SHISA6: variants seen among roughly 807,000 people sequenced by gnomAD.
SHISA6 encodes protein shisa-6.
Under a neutral mutation model 47.9 loss-of-function variants are expected in SHISA6, and 22 were observed. The observed-to-expected ratio is 0.46, with a 90% CI of 0.33 to 0.66. SHISA6 has a LOEUF of 0.66. Ranked by LOEUF, SHISA6 falls within the 30% of genes least tolerant of loss-of-function variation. The probability of loss-of-function intolerance (pLI) is 0.02; values close to 1 mark genes in which losing one functional copy is unlikely to be tolerated. For synonymous variants in SHISA6, 388 were observed against 337.8 expected (o/e 1.15, Z -1.63); for missense variants, 680 against 764.6 (o/e 0.89, Z 1.30).
chr17:11,378,728 G>T (rs1912901652), intron 2 of SHISA6, among the ~76,000 whole-genome samples: 1 of 152,050 alleles, frequency 6.6e-6, no homozygotes, highest in African/African-American at 2.4e-5. Flanking sequence ...AAGCAGGCAG[G>T]GGATAGTGTC....
At chr17:11,544,025 A>G (rs978392062) in intron 3 of SHISA6, among the ~76,000 whole-genome samples, 11 of 151,760 alleles carry the variant, frequency 7.2e-5, no homozygotes, top group African/African-American at 2.4e-4. Flanking sequence ...CAAAAAAAAA[A>G]AGAACTTCAA....
chr17:11,292,402 C>G lies in SHISA6; in HGVS notation c.799+28876C>G, dbSNP rs556154439. ...AGGAAAACACCATGGCACATGTATA[C>G]CCATGTAACAAATCTGCACATTCTG... On this transcript the variant is annotated intron_variant, in intron 2 of 5. Transcript: ENST00000441885. Among the ~76,000 whole-genome samples, 35 of 152,098 alleles carry G rather than the reference C, an allele frequency of 2.3e-4. No individual in the cohort carries two copies. In the South Asian group the frequency reaches 7.3e-3, roughly 32 times the overall value.
chr17:11,386,561 T>C lies in SHISA6; in HGVS notation c.895+7052T>C, dbSNP rs575081241. Among the ~76,000 whole-genome samples, 10 of 152,256 alleles carry C rather than the reference T, an allele frequency of 6.6e-5. No individual in the cohort carries two copies. In the East Asian group the frequency reaches 1.9e-3, roughly 29 times the overall value. ...GAGAGTTTTGTTTTGCTTTGTTTTG[T>C]TTTTTTAAGAGGAGAGAAATCACAG... On this transcript the variant is annotated intron_variant, in intron 3 of 5. Transcript: ENST00000441885.
intron 2 of SHISA6, among the ~76,000 whole-genome samples, chr17:11,374,862 CAT>C: frequency 6.6e-6 from 1 of 151,852 alleles, no homozygotes; most frequent in South Asian, 2.1e-4. Context: ...TTATATGTAA[CAT>C]ATATAATATG....
intron 2 of SHISA6, among the ~76,000 whole-genome samples, chr17:11,328,805 G>C (rs1281848149): frequency 6.6e-6 from 1 of 152,166 alleles, no homozygotes; most frequent in African/African-American, 2.4e-5. Flanking sequence ...GGGGCAAATG[G>C]AGAGGGAGGA....
intron 4 of SHISA6, 147 bp from the exon 5 acceptor site, chr17:11,555,593 G>A (rs2071970107): frequency 1.1e-6 from 1 of 926,936 alleles, no homozygotes; most frequent in Non-Finnish European, 1.5e-6. Flanking sequence ...CTGAGCATGA[G>A]GGAAACTGAG....
At chr17:11,373,320 C>G (rs959828909) in intron 2 of SHISA6, among the ~76,000 whole-genome samples, 6 of 151,916 alleles carry the variant, frequency 3.9e-5, no homozygotes, top group Middle Eastern at 3.2e-3. Flanking sequence ...AGGTAACAGC[C>G]ACTTAACCAA....
intron 2 of SHISA6, among the ~76,000 whole-genome samples, chr17:11,272,346 C>T (rs1341765042): frequency 1.3e-5 from 2 of 152,152 alleles, no homozygotes; most frequent in Non-Finnish European, 2.9e-5. Context: ...CAGGCTCCCG[C>T]GTGGCTCTCA....
At chr17:11,466,521 T>G (rs1036535590) in intron 3 of SHISA6, among the ~76,000 whole-genome samples, 2 of 152,154 alleles carry the variant, frequency 1.3e-5, no homozygotes, top group African/African-American at 4.8e-5. Context: ...CCTCAGGGCT[T>G]ACTGTTCAGC....
Position 11,559,885 on chromosome 17 carries a change from A to T in SHISA6, c.*1581A>T, listed in dbSNP as rs1453975817. The T allele has an allele frequency of 6.6e-6, 1 of 152,140 alleles. No individual in the cohort carries two copies. Among genetic ancestry groups the T allele is most frequent in the African/African-American group, 2.4e-5 (1 of 41,418 alleles). The allele number at this position is 152,140 out of a possible 1,614,324, so 9.4% of individuals were successfully genotyped here. ...CCAAGACCAGAGAGCCTGGTGGGGG[A>T]AAGAAGGGGTTCCCTCATTCTCAGG... On this transcript the variant is annotated 3_prime_UTR_variant, in exon 6 of 6. Coordinates refer to ENST00000441885, the MANE Select transcript of SHISA6 (RefSeq NM_207386.4). This position sits in a 1 kb window ranked among gnomAD's most constrained non-coding sequence, Gnocchi z 4.4.
At chr17:11,287,596 C>T (rs1344976271) in intron 2 of SHISA6, among the ~76,000 whole-genome samples, 1 of 139,618 alleles carries the variant, frequency 7.2e-6, no homozygotes, top group Admixed American at 7.3e-5. Context: ...TACTTGAGTC[C>T]ATAAGGTCAA....
intron 3 of SHISA6, among the ~76,000 whole-genome samples, chr17:11,453,159 G>C (rs1325940845): frequency 6.6e-6 from 1 of 152,204 alleles, no homozygotes; most frequent in Non-Finnish European, 1.5e-5. Context: ...GCCCAGGGAT[G>C]TTGAAAGCAG....
intron 2 of SHISA6, among the ~76,000 whole-genome samples, chr17:11,299,881 C>T (rs1909863777): frequency 6.6e-6 from 1 of 152,102 alleles, no homozygotes; most frequent in Admixed American, 6.5e-5. Flanking sequence ...TGCGGTGGCT[C>T]ACGTCTGTAA....
intron 3 of SHISA6, among the ~76,000 whole-genome samples, chr17:11,541,787 T>G (rs1391238679): frequency 6.6e-6 from 1 of 152,094 alleles, no homozygotes; most frequent in Non-Finnish European, 1.5e-5. Context: ...TTCCCCTTCA[T>G]CTCCACTTCC....
chr17:11,319,307 G>A (rs1910630997), intron 2 of SHISA6, among the ~76,000 whole-genome samples: 1 of 152,108 alleles, frequency 6.6e-6, no homozygotes, highest in Admixed American at 6.6e-5. Context: ...TCGAACTCCT[G>A]ACCTCAGGTG....
chr17:11,278,478 C>A (rs62062011), intron 2 of SHISA6, among the ~76,000 whole-genome samples: 71,068 of 152,118 alleles, frequency 0.47, 16,958 homozygotes, highest in Non-Finnish European at 0.52. Context: ...AAGGCAATCA[C>A]TTTAGATTAT....
chr17:11,437,528 C>T (rs1441875274), intron 3 of SHISA6, among the ~76,000 whole-genome samples: 1 of 152,112 alleles, frequency 6.6e-6, no homozygotes, highest in African/African-American at 2.4e-5. Flanking sequence ...GCTCTTTATC[C>T]CAGGTTCAAG....
At chr17:11,383,932 C>G (rs1370649495) in intron 3 of SHISA6, among the ~76,000 whole-genome samples, 1 of 152,176 alleles carries the variant, frequency 6.6e-6, no homozygotes, top group African/African-American at 2.4e-5. Flanking sequence ...GGCAAAGAGT[C>G]CTCCCAGGCT....
chr17:11,499,231 G>C (rs1010748541), intron 3 of SHISA6, among the ~76,000 whole-genome samples: 2 of 152,178 alleles, frequency 1.3e-5, no homozygotes, highest in South Asian at 4.1e-4. Flanking sequence ...GGCAAGATCT[G>C]ACACTGAGAT....
Sources: gnomAD v4.1 joint callset for allele counts (sites outside exome capture counted in the v4.1 genomes callset) on GRCh38, gnomAD v4.1.1 for gene constraint, Gnocchi (gnomAD v3.1) non-coding constraint, MANE v1.5 for transcripts, NCBI Gene and HGNC (gene_info 2026-07-23, HGNC 2026-07-21) for gene names.